The following NEK6 variants were observed in gnomAD, a reference collection of about 807,000 sequenced individuals.
NEK6 encodes the protein NIMA related kinase 6.
NEK6 carries 27 observed loss-of-function variants against 43.5 expected under a neutral mutation model. That is an observed-to-expected ratio of 0.62 (90% CI 0.46 to 0.86). The LOEUF (loss-of-function observed/expected upper bound fraction) is 0.86. NEK6 is among the 40% of genes least tolerant of loss of function. The pLI is 0.00. For missense variants in NEK6, 318 were observed against 414.4 expected, an observed-to-expected ratio of 0.77 and a Z score of 2.02; for synonymous variants, 167 against 164.1, an observed-to-expected ratio of 1.02 and a Z score of -0.14.
At position 124,258,241 on chromosome 9, in the gene NEK6, G is replaced by T. The variant is rs571118384; in HGVS notation, c.-30+156G>T. 1,084 of 982,714 alleles carry T rather than the reference G, an allele frequency of 1.1e-3. 17 individuals carry two copies. In the African/African-American group the frequency reaches 0.018, roughly 16 times the overall value. 60.9% of individuals were successfully genotyped at this position (982,714 alleles called of 1,614,324 possible). On this transcript the variant is annotated intron_variant, in intron 1 of 9. Transcript: ENST00000320246. Reference sequence around the variant, plus strand: ...GCGGGAGGCGGGCGCGAGTGTGGCCGCGCGGGGCTGAGCGTGTCGGCGGCC... The same window carrying T: ...GCGGGAGGCGGGCGCGAGTGTGGCCTCGCGGGGCTGAGCGTGTCGGCGGCC...
At chr9:124,282,725 GC>G (rs933086292) in intron 1 of NEK6, among the ~76,000 whole-genome samples, 9 of 152,316 alleles carry the variant, frequency 5.9e-5, no homozygotes, top group Admixed American at 5.9e-4. Context: ...TTTCATACAG[GC>G]CCCAAAGACA....
At chr9:124,273,814 G>T (rs565558909) in intron 1 of NEK6, among the ~76,000 whole-genome samples, 6 of 152,204 alleles carry the variant, frequency 3.9e-5, no homozygotes, top group East Asian at 1.9e-4. Context: ...GGGTTTTTTT[G>T]TTGTTGTTGT....
intron 1 of NEK6, among the ~76,000 whole-genome samples, chr9:124,269,963 A>G (rs1831373525): frequency 6.6e-6 from 1 of 152,108 alleles, no homozygotes; most frequent in Non-Finnish European, 1.5e-5. Context: ...AGCCAGTTAA[A>G]TCAAGGTGTT....
intron 1 of NEK6, among the ~76,000 whole-genome samples, chr9:124,288,289 C>G (rs1832250087): frequency 6.6e-6 from 1 of 152,152 alleles, no homozygotes; most frequent in South Asian, 2.1e-4. Context: ...TTGATTGAGA[C>G]AGAGTCTCAC....
intron 1 of NEK6, among the ~76,000 whole-genome samples, chr9:124,288,580 G>A (rs1041821010): frequency 7.2e-5 from 11 of 152,130 alleles, no homozygotes; most frequent in Admixed American, 3.9e-4. Context: ...CACCCTGCTC[G>A]GCCCAGTACC....
At chr9:124,345,862 G>A (rs371671479) in intron 8 of NEK6, among the ~76,000 whole-genome samples, 3 of 152,106 alleles carry the variant, frequency 2.0e-5, no homozygotes, top group Admixed American at 1.3e-4. Flanking sequence ...CTTTGCACCC[G>A]AGAGTCTCAT....
rs779194493 is a variant in NEK6 at position 124,331,259 on chromosome 9, C to CAAAAAAA, written c.622+3822_622+3828dup. ...TCAGCCTGGGCGAGCGACTCTGTCTCAAAAAAAAAAAAAACAAAACATTTT... is the reference window on the plus strand; with the variant it reads ...TCAGCCTGGGCGAGCGACTCTGTCTCAAAAAAAAAAAAAAAAAAAAACAAAACATTTT... On this transcript the variant is annotated intron_variant, in intron 7 of 9. Coordinates refer to ENST00000320246, the MANE Select transcript of NEK6 (RefSeq NM_014397.6). Among the ~76,000 whole-genome samples, 23 of 95,246 alleles carry CAAAAAAA rather than the reference C, an allele frequency of 2.4e-4. 1 individual carries two copies. Among genetic ancestry groups the CAAAAAAA allele is most frequent in the East Asian group, 9.3e-4 (2 of 2,148 alleles). The allele number at this position is 95,246 out of a possible 152,430, so 62.5% of individuals were successfully genotyped here. A position where few individuals can be genotyped will look rare whatever the true frequency, so the allele number is the denominator to read the frequency against.
Position 124,350,501 on chromosome 9 carries a change from GACACACACAC to G in NEK6, c.832-314_832-305del, listed in dbSNP as rs55896623. Among the ~76,000 whole-genome samples, 1,133 of 150,714 alleles carry G rather than the reference GACACACACAC, an allele frequency of 7.5e-3. 14 individuals are homozygous for G. The highest frequency in any genetic ancestry group is 0.026 in the African/African-American group (1,062 of 41,162). ...TTGGGCATCTGCGTGACTGACAGCA[GACACACACAC>G]ACACACACACACACACACACAATTT... is the stretch of plus-strand genomic sequence containing the variant. On this transcript the variant is annotated intron_variant, in intron 9 of 9. Transcript: ENST00000320246.
rs368287199 is a variant in NEK6 at position 124,321,191 on chromosome 9, C to T, written c.295-268C>T. On this transcript the variant is annotated intron_variant, in intron 4 of 9. Coordinates refer to ENST00000320246, the MANE Select transcript of NEK6 (RefSeq NM_014397.6). ...CTGTTACACATTTCAAGAGTATTGA[C>T]CCATGTCGTCTTCACAACTATGCTT... Among the ~76,000 whole-genome samples, 5 of 152,238 alleles carry T rather than the reference C, an allele frequency of 3.3e-5. No individual in the cohort carries two copies. In the East Asian group the frequency reaches 5.8e-4, roughly 18 times the overall value.
chr9:124,294,839 A>T (rs1294218570), intron 1 of NEK6, among the ~76,000 whole-genome samples: 1 of 152,114 alleles, frequency 6.6e-6, no homozygotes, highest in African/African-American at 2.4e-5. Flanking sequence ...GGTGGGCTGG[A>T]GGCTGGGCTG....
At position 124,283,135 on chromosome 9, in the gene NEK6, T is replaced by G. The variant is rs575746423; in HGVS notation, c.-29-18801T>G. ...GTCCCAGAGCCCTGCTGAGCCCCAC[T>G]TCTCTCCTGTGAAGTAGGAGGCACA... is the stretch of plus-strand genomic sequence containing the variant. On this transcript the variant is annotated intron_variant, in intron 1 of 9. Transcript: ENST00000320246. Among the ~76,000 whole-genome samples the G allele has an allele frequency of 1.4e-4, 21 of 152,356 alleles. 1 individual carries two copies. In the South Asian group the frequency reaches 3.1e-3, roughly 23 times the overall value.
intron 1 of NEK6, among the ~76,000 whole-genome samples, chr9:124,266,375 C>T (rs1446975880): frequency 7.9e-5 from 12 of 152,274 alleles, no homozygotes; most frequent in Non-Finnish European, 1.8e-4. Context: ...TGGTGCTTGA[C>T]GAGCATCAGC....
At chr9:124,279,714 TCTGATGGCCCCAGTGACTCTTTG>T (rs1831810980) in intron 1 of NEK6, among the ~76,000 whole-genome samples, 1 of 152,214 alleles carries the variant, frequency 6.6e-6, no homozygotes, top group Non-Finnish European at 1.5e-5. Context: ...CATGATCTGA[TCTGATGGCCCCAGTGACTCTTTG>T]AAACCCGGCC....
At position 124,324,950 on chromosome 9, in the gene NEK6, A is replaced by G. The variant is rs1278408329; in HGVS notation, c.406-1380A>G. ...AGCACTTTGGGAGGCCGAGGCAGGC[A>G]GATCACCTGAGGTGAGGAGTTCGAG... On this transcript the variant is annotated intron_variant, in intron 5 of 9. Transcript: ENST00000320246. The surrounding 1 kb of genome is among the most constrained non-coding windows in gnomAD (Gnocchi z 5.3). Among the ~76,000 whole-genome samples, 5 of 152,082 alleles carry G rather than the reference A, an allele frequency of 3.3e-5. No homozygotes were observed. The highest frequency in any genetic ancestry group is 1.5e-5 in the Non-Finnish European group (1 of 67,996).
chr9:124,296,141 G>A (rs1832679669), intron 1 of NEK6, among the ~76,000 whole-genome samples: 1 of 152,260 alleles, frequency 6.6e-6, no homozygotes, highest in Non-Finnish European at 1.5e-5. Context: ...CCAGGCAGTG[G>A]GCATCCATCC....
chr9:124,339,648 G>A lies in NEK6; in HGVS notation c.700G>A (p.Gly234Ser). The change falls in exon 8 of 10, where the codon GGC becomes AGC. Residue 234 changes from glycine (G) to serine (S), a missense_variant. By Grantham distance (56) the Gly-to-Ser change is moderately conservative. This residue lies in a region of NEK6 where 239 missense variants were observed against 344.4 expected (regional missense o/e 0.69). Coordinates refer to ENST00000320246, the MANE Select transcript of NEK6 (RefSeq NM_014397.6). Reference protein sequence around the residue: ...YNFKSDIWSLGCLLYEMAALQ... With the variant: ...YNFKSDIWSLSCLLYEMAALQ... ...CTTCAAGTCCGACATCTGGTCCCTG[G>A]GCTGTCTGCTGTACGAGGTGAGTCT... 6.2e-7 allele frequency: 1 copy of A among 1,613,332 alleles called. No homozygotes were observed. The highest frequency in any genetic ancestry group is 8.5e-7 in the Non-Finnish European group (1 of 1,179,256).
chr9:124,271,998 C>T (rs1831457130), intron 1 of NEK6, among the ~76,000 whole-genome samples: 2 of 152,392 alleles, frequency 1.3e-5, no homozygotes, highest in Non-Finnish European at 2.9e-5. Context: ...TTACCGCCCA[C>T]TCAGGCCTCT....
At chr9:124,341,123 G>A (rs1396414055) in intron 8 of NEK6, among the ~76,000 whole-genome samples, 2 of 152,142 alleles carry the variant, frequency 1.3e-5, no homozygotes, top group African/African-American at 4.8e-5. Context: ...GCTCACTGCG[G>A]CCTCCACCTC....
At chr9:124,257,621 G>T, upstream of NEK6, 1 of 1,490,062 alleles carries the variant, frequency 6.7e-7, no homozygotes, top group South Asian at 1.2e-5. Context: ...GCTAGGCGAT[G>T]GGGAATCCGA....
Sources: allele counts gnomAD v4.1 joint callset (sites outside exome capture counted in the v4.1 genomes callset), GRCh38; gene constraint gnomAD v4.1.1; regional missense constraint gnomAD v4.1.1; non-coding constraint Gnocchi (gnomAD v3.1); transcripts MANE v1.5; gene names NCBI Gene and HGNC (gene_info 2026-07-23, HGNC 2026-07-21).